ZNF534: variants seen among roughly 807,000 people sequenced by gnomAD.
ZNF534 encodes zinc finger protein 534.
Under a neutral mutation model 13.6 loss-of-function variants are expected in ZNF534, and 19 were observed. The observed-to-expected ratio is 1.40, with a 90% CI of 0.97 to 2.05. The LOEUF is 2.05. ZNF534 is among the 30% of genes most tolerant of loss of function. ZNF534 has a pLI of 0.00. For synonymous variants in ZNF534, 244 were observed against 273.8 expected (o/e 0.89, Z 1.07); for missense variants, 782 against 796.3 (o/e 0.98, Z 0.22).
At chr19:52,444,601 G>A (rs552704816), downstream of ZNF534, among the ~76,000 whole-genome samples, 1 of 151,984 alleles carries the variant, frequency 6.6e-6, no homozygotes, top group Admixed American at 6.6e-5. Flanking sequence ...ACCAGGGTGG[G>A]TAAGGAAGGA....
At chr19:52,451,054 A>C (rs1191319326) in intron 4 of ZNF534, 4 of 519,132 alleles carry the variant, frequency 7.7e-6, no homozygotes, top group Non-Finnish European at 1.3e-5. Flanking sequence ...TGTGTTGAAT[A>C]TGTACATTGC....
At chr19:52,445,465 G>A (rs545293764), downstream of ZNF534, among the ~76,000 whole-genome samples, 7 of 152,272 alleles carry the variant, frequency 4.6e-5, no homozygotes, top group East Asian at 1.4e-3. Context: ...CCAAGATGCT[G>A]GGATTATAGG....
chr19:52,435,129 G>T lies in ZNF534; in HGVS notation c.191G>T (p.Arg64Ile). 6.2e-7 allele frequency: 1 copy of T among 1,613,326 alleles called. No homozygotes were observed. Among genetic ancestry groups the T allele is most frequent in the Non-Finnish European group, 8.5e-7 (1 of 1,179,458 alleles). ...GTTACCTCCATGTTGGAGCAAAAGA[G>T]AGATCCCTGGACTCTGCAGAGTGAA... ...LSVTSMLEQKRDPWTLQSEVK... is the reference protein window; with the variant it reads ...LSVTSMLEQKIDPWTLQSEVK... The change falls in exon 4 of 5, where the codon AGA (arginine) becomes ATA (isoleucine). Residue 64 changes from arginine to isoleucine, a missense_variant. Arg to Ile is a moderately conservative substitution (Grantham distance 97, BLOSUM62 -3). Coordinates refer to ENST00000433050, the MANE Select transcript of ZNF534 (RefSeq NM_001143938.3).
chr19:52,433,590 T>G (rs143500080), intron 2 of ZNF534, among the ~76,000 whole-genome samples: 1 of 152,090 alleles, frequency 6.6e-6, no homozygotes, highest in East Asian at 1.9e-4. Context: ...ATGGTCTTGA[T>G]CTCCTGACCT....
At position 52,439,258 on chromosome 19, in the gene ZNF534, C is replaced by T. The variant is rs1386983824; in HGVS notation, c.1798C>T (p.His600Tyr). The T allele has an allele frequency of 6.4e-7, 1 of 1,569,060 alleles. No individual in the cohort carries two copies. The highest frequency in any genetic ancestry group is 1.4e-5 in the African/African-American group (1 of 73,288). Residue 600 changes from histidine (H) to tyrosine (Y), a missense_variant, in exon 5 of 5, where the codon CAT becomes TAT. Physicochemically the swap from His to Tyr is moderately conservative, Grantham distance 83. Transcript: ENST00000433050. Reference protein sequence around the residue: ...NSHLARHRKIHTGEKLYKCNE... With the variant: ...NSHLARHRKIYTGEKLYKCNE... ...ACACCTTGCGCGACATAGGAAAATT[C>T]ATACTGGAGAGAAGCTTTACAAATG... is the stretch of plus-strand genomic sequence containing the variant.
At chr19:52,433,662 G>T (rs949825595) in intron 2 of ZNF534, among the ~76,000 whole-genome samples, 1 of 152,202 alleles carries the variant, frequency 6.6e-6, no homozygotes, top group African/African-American at 2.4e-5. Context: ...CGCCGTGCCC[G>T]GCAGTAATAC....
Position 52,438,671 on chromosome 19 carries a change from A to C in ZNF534, c.1211A>C (p.His404Pro), listed in dbSNP as rs2122695920. Residue 404 changes from histidine to proline, a missense_variant, in exon 5 of 5, where the codon CAT (histidine) becomes CCT (proline). This residue lies in a region of ZNF534 where 591 missense variants were observed against 574.0 expected (regional missense o/e 1.03). Coordinates refer to ENST00000433050, the MANE Select transcript of ZNF534 (RefSeq NM_001143938.3). The part of the protein sequence containing the change: ...NSRLARHRKI[H>P]TGGRRYKCNE... The stretch of plus-strand genomic sequence containing the variant: ...CGCCTTGCACGACATAGGAAAATTC[A>C]TACTGGGGGGAGGCGTTACAAATGT... 1.9e-6 allele frequency: 3 copies of C among 1,581,234 alleles called. No homozygotes were observed. The highest frequency in any genetic ancestry group is 3.3e-4 in the Middle Eastern group (2 of 6,014).
In ZNF534 at chr19:52,451,392, CGG is replaced by C. The variant is rs1340745400; in HGVS notation, c.479_480del (p.Gly160AspfsTer27). 1.6e-5 allele frequency: 13 copies of C among 806,960 alleles called. No homozygotes were observed. In the Admixed American group the frequency reaches 2.6e-4, roughly 16 times the overall value. 50.0% of individuals were successfully genotyped at this position (806,960 alleles called of 1,614,324 possible). Reference sequence around the variant, plus strand: ...GGCTCACGGCAGAGGGCCGAGGCCACGGGACTCTCAGGGCCGGGCCCGCCCCT... The same window carrying C: ...GGCTCACGGCAGAGGGCCGAGGCCACGACTCTCAGGGCCGGGCCCGCCCCT... On this transcript the variant is annotated frameshift_variant, in exon 5 of 5. Coordinates refer to the ZNF534 transcript ENST00000301085. LOFTEE classifies it low-confidence loss of function (END_TRUNC).
downstream of ZNF534, among the ~76,000 whole-genome samples, chr19:52,442,541 T>G (rs2561006): frequency 6.6e-6 from 1 of 152,194 alleles, no homozygotes; most frequent in Non-Finnish European, 1.5e-5. Flanking sequence ...CCCCTGATTT[T>G]CCACTCCACA....
At chr19:52,449,118 G>C (rs2561025) in intron 4 of ZNF534, among the ~76,000 whole-genome samples, 143,156 of 152,268 alleles carry the variant, frequency 0.94, 67,536 homozygotes, top group Non-Finnish European at 0.96. Context: ...TTTTCTGTAC[G>C]TGGTTTATTT....
chr19:52,435,039 G>A, intron 3 of ZNF534, 42 bp from the exon 4 acceptor site: 1 of 1,592,724 alleles, frequency 6.3e-7, no homozygotes, highest in Non-Finnish European at 8.5e-7. Context: ...TTGGACTTTG[G>A]AGATGCCACA....
At chr19:52,450,083 C>T (rs2059207900) in intron 4 of ZNF534, among the ~76,000 whole-genome samples, 1 of 152,134 alleles carries the variant, frequency 6.6e-6, no homozygotes, top group South Asian at 2.1e-4. Flanking sequence ...AATTCCTTGT[C>T]AAAAGGATAG....
chr19:52,439,049 T>G lies in ZNF534; in HGVS notation c.1589T>G (p.Val530Gly), dbSNP rs543910585. The change falls in exon 5 of 5, where the codon GTC becomes GGC. Residue 530 changes from valine (V) to glycine (G), a missense_variant. This residue lies in a region of ZNF534 where 591 missense variants were observed against 574.0 expected (regional missense o/e 1.03). Coordinates refer to ENST00000433050, the MANE Select transcript of ZNF534 (RefSeq NM_001143938.3). ...KPYSCNECGK[V>G]FRRNSHLVRH... ...TACAGTTGTAATGAATGTGGCAAGG[T>G]CTTCCGTCGGAATTCACACCTTGTG... The G allele has an allele frequency of 3.8e-6, 6 of 1,596,968 alleles. No individual in the cohort carries two copies. Among genetic ancestry groups the G allele is most frequent in the Admixed American group, 1.8e-5 (1 of 56,968 alleles).
chr19:52,433,430 A>T (rs1172584520), intron 2 of ZNF534, among the ~76,000 whole-genome samples: 1 of 151,780 alleles, frequency 6.6e-6, no homozygotes, highest in Non-Finnish European at 1.5e-5. Context: ...GCAGTGGCGC[A>T]ATCTCAGCTC....
downstream of ZNF534, among the ~76,000 whole-genome samples, chr19:52,446,105 C>A (rs2122722829): frequency 6.6e-6 from 1 of 152,240 alleles, no homozygotes; most frequent in East Asian, 1.9e-4. Flanking sequence ...CAACTAAAAT[C>A]TCTTAATGTG....
intron 4 of ZNF534, among the ~76,000 whole-genome samples, chr19:52,437,481 G>A (rs2059135657): frequency 1.3e-5 from 2 of 152,158 alleles, no homozygotes; most frequent in Non-Finnish European, 2.9e-5. Flanking sequence ...AGCCAGGCAT[G>A]GTGGCAGGCA....
Position 52,438,204 on chromosome 19 carries a change from CAA to C in ZNF534, c.746_747del (p.Lys249SerfsTer23), listed in dbSNP as rs1282263950. ...EKPYKYNECG[K>X]VFNQNSHLAQ... ...AGCCTTACAAATATAATGAATGTGGCAAAGTCTTCAATCAGAATTCACACCTT... is the reference window on the plus strand; with the variant it reads ...AGCCTTACAAATATAATGAATGTGGCAGTCTTCAATCAGAATTCACACCTT... On this transcript the variant is annotated frameshift_variant, in exon 5 of 5. Coordinates refer to ENST00000433050, the MANE Select transcript of ZNF534 (RefSeq NM_001143938.3). LOFTEE classifies it low-confidence loss of function (END_TRUNC). 13 of 1,613,954 alleles carry C rather than the reference CAA, an allele frequency of 8.1e-6. No individual in the cohort carries two copies. The Admixed American group carries it at 1.2e-4, about 14-fold the overall frequency.
intron 4 of ZNF534, 95 bp from the exon 5 acceptor site, chr19:52,437,637 A>T (rs529106004): frequency 5.9e-5 from 72 of 1,230,272 alleles, no homozygotes; most frequent in Non-Finnish European, 7.1e-5. Flanking sequence ...TGATAATTTC[A>T]ATGTCTGAGT....
chr19:52,431,847 G>A (rs2059089503), intron 2 of ZNF534, among the ~76,000 whole-genome samples: 1 of 142,530 alleles, frequency 7.0e-6, no homozygotes, highest in Admixed American at 7.0e-5. Flanking sequence ...GAAGCTGCAT[G>A]TGGAATTCCT....
Sources: allele counts gnomAD v4.1 joint callset (sites outside exome capture counted in the v4.1 genomes callset), GRCh38; gene constraint gnomAD v4.1.1; regional missense constraint gnomAD v4.1.1; transcripts MANE v1.5; gene names NCBI Gene and HGNC (gene_info 2026-07-23, HGNC 2026-07-21).